ECH1: variants seen among roughly 807,000 people sequenced by gnomAD.
The protein encoded by ECH1 is enoyl-CoA hydratase 1.
A neutral mutation model predicts 37.0 loss-of-function variants in ECH1; 30 were observed. The ratio of observed to expected loss-of-function variants is 0.81; its 90% CI spans 0.61 to 1.10. The LOEUF is 1.10. Among genes scored for constraint, ECH1 ranks in the 50% least tolerant of loss-of-function variants. The pLI is 0.00. For synonymous variants in ECH1, 178 were observed against 176.0 expected (o/e 1.01, Z -0.09); for missense variants, 456 against 441.6 (o/e 1.03, Z -0.29).
chr19:38,815,766 C>A lies in ECH1; in HGVS notation c.883-49G>T, dbSNP rs781007249. ...GAACGAGGAGAGAGATTAGCAGGGG[C>A]CAATCAGGATAAAGCATGAGAGCAC... is the stretch of plus-strand genomic sequence containing the variant. On this transcript the variant is annotated intron_variant, in intron 9 of 9. Coordinates refer to ENST00000221418, the MANE Select transcript of ECH1 (RefSeq NM_001398.3). 5 of 1,613,680 alleles carry A rather than the reference C, an allele frequency of 3.1e-6. No individual in the cohort carries two copies. The South Asian group carries it at 5.5e-5, about 18-fold the overall frequency.
chr19:38,828,000 C>T (rs546201249), intron 3 of ECH1, among the ~76,000 whole-genome samples: 37 of 152,128 alleles, frequency 2.4e-4, no homozygotes, highest in African/African-American at 8.2e-4. Flanking sequence ...CGCTTGAGTT[C>T]AAGAGTTGAA....
intron 3 of ECH1, among the ~76,000 whole-genome samples, chr19:38,829,759 C>T (rs1206283981): frequency 2.1e-5 from 3 of 142,548 alleles, no homozygotes; most frequent in African/African-American, 7.9e-5. Context: ...GAGCTTGCAG[C>T]GAGCCGAGAT....
chr19:38,816,033 G>A, intron 8 of ECH1, 26 bp from the exon 9 acceptor site: 1 of 1,610,974 alleles, frequency 6.2e-7, no homozygotes, highest in South Asian at 1.1e-5. Context: ...TCAGGGACCG[G>A]GTGGGCTGGG....
At position 38,831,281 on chromosome 19, in the gene ECH1, GCAGGCCTCCAGGATCTGCAGGT is replaced by G; in HGVS notation, c.260+6_260+27del. ...CCCGCAGCCCCGCCTCCCCCCGCAG[GCAGGCCTCCAGGATCTGCAGGT>G]CAGACCTCCAGAAGACCTTGTTCAT... On this transcript the variant is annotated splice_donor_region_variant and intron_variant, in intron 2 of 9. Coordinates refer to ENST00000221418, the MANE Select transcript of ECH1 (RefSeq NM_001398.3). The G allele has an allele frequency of 6.2e-7, 1 of 1,607,124 alleles. No homozygotes were observed. Among genetic ancestry groups the G allele is most frequent in the Non-Finnish European group, 8.5e-7 (1 of 1,174,914 alleles).
intron 3 of ECH1, chr19:38,820,127 C>T (rs1971641354): frequency 3.4e-6 from 1 of 293,046 alleles, no homozygotes; most frequent in Non-Finnish European, 4.8e-6. Flanking sequence ...GTGGCGCGAT[C>T]TCGGCTCACT....
chr19:38,815,911 C>G lies in ECH1; in HGVS notation c.828G>C (p.Lys276Asn). 1.2e-6 allele frequency: 2 copies of G among 1,614,220 alleles called. No homozygotes were observed. The highest frequency in any genetic ancestry group is 1.7e-6 in the Non-Finnish European group (2 of 1,180,040). ...SKSPVAVQST[K>N]VNLLYSRDHS... ...GGTCGCGGGAATACAGCAGGTTGAC[C>G]TTGGTGCTCTGCACCGCCACGGGGC... is the stretch of plus-strand genomic sequence containing the variant. Residue 276 changes from lysine to asparagine, a missense_variant, in exon 9 of 10, where the codon AAG (lysine) becomes AAC (asparagine). Transcript: ENST00000221418.
At chr19:38,825,397 G>A (rs768969784) in intron 3 of ECH1, among the ~76,000 whole-genome samples, 8 of 152,186 alleles carry the variant, frequency 5.3e-5, no homozygotes, top group Admixed American at 2.6e-4. Context: ...TGCCTTCCTC[G>A]AGCAGCTATA....
intron 3 of ECH1, chr19:38,820,158 T>G (rs1413143681): frequency 5.2e-6 from 1 of 192,852 alleles, no homozygotes; most frequent in Non-Finnish European, 9.1e-6. Flanking sequence ...CCTCCTGGGT[T>G]CACGCCATTC....
chr19:38,816,289 C>T lies in ECH1; in HGVS notation c.726G>A (p.Leu242=). The change falls in exon 8 of 10, where the codon CTG becomes CTA. Residue 242 remains leucine (L), a synonymous_variant. Transcript: ENST00000221418. The part of the protein sequence containing the change: ...MMADEALGSG[L]VSRVFPDKEV... ...TACCACGGCCATGGCCCTACCTGAC[C>T]AGCCCACTGCCCAGGGCCTCGTCAG... 1 of 1,613,194 alleles carries T rather than the reference C, an allele frequency of 6.2e-7. No homozygotes were observed. The highest frequency in any genetic ancestry group is 8.5e-7 in the Non-Finnish European group (1 of 1,179,990).
intron 3 of ECH1, among the ~76,000 whole-genome samples, chr19:38,829,050 C>T (rs1031587501): frequency 2.0e-5 from 3 of 151,002 alleles, no homozygotes; most frequent in Admixed American, 6.6e-5. Context: ...TTTGGGAGGC[C>T]GAGGGGGGCC....
chr19:38,821,521 G>C (rs770785783), intron 3 of ECH1, among the ~76,000 whole-genome samples: 3 of 152,200 alleles, frequency 2.0e-5, no homozygotes, highest in Non-Finnish European at 4.4e-5. Flanking sequence ...GGGAACCCAG[G>C]CTGCACGCAG....
chr19:38,826,733 C>T (rs991106847), intron 3 of ECH1, among the ~76,000 whole-genome samples: 15 of 152,100 alleles, frequency 9.9e-5, no homozygotes, highest in South Asian at 2.1e-4. Flanking sequence ...ATTATGTGGA[C>T]GGTCTTGCCC....
At chr19:38,818,220 G>A in intron 3 of ECH1, 1 of 985,370 alleles carries the variant, frequency 1.0e-6, no homozygotes, top group Non-Finnish European at 1.2e-6. Flanking sequence ...TTTTCCCCAA[G>A]ATGCCAGACA....
At position 38,818,932 on chromosome 19, in the gene ECH1, T is replaced by TGTGTGTGCGC. The variant is rs144733422; in HGVS notation, c.350-1358_350-1357insGCGCACACAC. On this transcript the variant is annotated intron_variant, in intron 3 of 9. Coordinates refer to ENST00000221418, the MANE Select transcript of ECH1 (RefSeq NM_001398.3). ...GTGTGTGTGTGTGTGTGTGTGTGTG[T>TGTGTGTGCGC]GCACTGTTCCCAACCTGTTACTTTG... is the stretch of plus-strand genomic sequence containing the variant. Among the ~76,000 whole-genome samples the TGTGTGTGCGC allele has an allele frequency of 1.4e-3, 198 of 142,856 alleles. 4 individuals are homozygous for TGTGTGTGCGC. The East Asian group carries it at 0.016, about 11-fold the overall frequency. 93.7% of individuals were successfully genotyped at this position (142,856 alleles called of 152,430 possible).
Position 38,831,095 on chromosome 19 carries a change from C to G in ECH1, c.332G>C (p.Gly111Ala). The G allele has an allele frequency of 6.2e-7, 1 of 1,613,892 alleles. No homozygotes were observed. The highest frequency in any genetic ancestry group is 8.5e-7 in the Non-Finnish European group (1 of 1,179,954). ...DCRAVVISGAGKMFTAGIDLM... is the reference protein window; with the variant it reads ...DCRAVVISGAAKMFTAGIDLM... ...TCTGGTACCTGCAGTGAACATTTTTCCTGCACCAGAGATCACCACCGCCCG... is the reference window on the plus strand; with the variant it reads ...TCTGGTACCTGCAGTGAACATTTTTGCTGCACCAGAGATCACCACCGCCCG... The change falls in exon 3 of 10, where the codon GGA (glycine) becomes GCA (alanine). Residue 111 changes from glycine to alanine, a missense_variant. Coordinates refer to ENST00000221418, the MANE Select transcript of ECH1 (RefSeq NM_001398.3).
chr19:38,827,343 A>G (rs1339285075), intron 3 of ECH1, among the ~76,000 whole-genome samples: 1 of 152,142 alleles, frequency 6.6e-6, no homozygotes, highest in East Asian at 1.9e-4. Context: ...TCAGTCCTAA[A>G]GGGCCAACCC....
chr19:38,829,749 G>T (rs994847749), intron 3 of ECH1, among the ~76,000 whole-genome samples: 1 of 150,550 alleles, frequency 6.6e-6, no homozygotes, highest in Admixed American at 6.6e-5. Context: ...CCGGGAGGCA[G>T]AGCTTGCAGC....
At chr19:38,823,287 C>T in intron 3 of ECH1, 1 of 168,880 alleles carries the variant, frequency 5.9e-6, no homozygotes, top group East Asian at 1.8e-4. Context: ...AGACCAAGAA[C>T]CCACCAATTC....
intron 8 of ECH1, 23 bp from the exon 9 acceptor site, chr19:38,816,030 C>G: frequency 6.2e-7 from 1 of 1,611,258 alleles, no homozygotes; most frequent in Non-Finnish European, 8.5e-7. Context: ...AGATCAGGGA[C>G]CGGGTGGGCT....
Sources: gnomAD v4.1 joint callset for allele counts (sites outside exome capture counted in the v4.1 genomes callset) on GRCh38, gnomAD v4.1.1 for gene constraint, MANE v1.5 for transcripts, NCBI Gene and HGNC (gene_info 2026-07-23, HGNC 2026-07-21) for gene names.